MAP4K3: variants seen among roughly 807,000 people sequenced by gnomAD.
MAP4K3 encodes MAPK/ERK kinase kinase kinase 3.
Under a neutral mutation model 143.5 loss-of-function variants are expected in MAP4K3, and 94 were observed. The observed-to-expected ratio is 0.65, with a 90% CI of 0.55 to 0.78. MAP4K3 has a LOEUF of 0.78. Among genes scored for constraint, MAP4K3 ranks in the 30% least tolerant of loss-of-function variants. The pLI is 0.00. For synonymous variants in MAP4K3, 416 were observed against 347.2 expected (o/e 1.20, Z -2.20); for missense variants, 1,077 against 1,068.1 (o/e 1.01, Z -0.12).
intron 15 of MAP4K3, among the ~76,000 whole-genome samples, chr2:39,306,111 A>C (rs1682696632): frequency 1.3e-5 from 2 of 152,210 alleles, no homozygotes; most frequent in South Asian, 2.1e-4. Context: ...TACAGGCATG[A>C]GCCACCGTGC....
chr2:39,307,589 A>T (rs546220278), intron 15 of MAP4K3, among the ~76,000 whole-genome samples: 9 of 151,968 alleles, frequency 5.9e-5, no homozygotes, highest in South Asian at 2.1e-4. Context: ...ATATATATAC[A>T]TGTGGATGGG....
At chr2:39,262,135 A>G (rs1680594683) in intron 28 of MAP4K3, among the ~76,000 whole-genome samples, 1 of 152,164 alleles carries the variant, frequency 6.6e-6, no homozygotes, top group African/African-American at 2.4e-5. Context: ...TTATGAAGCT[A>G]CTGGATTTGA....
At chr2:39,279,988 G>A (rs1003746713) in intron 23 of MAP4K3, among the ~76,000 whole-genome samples, 1 of 152,032 alleles carries the variant, frequency 6.6e-6, no homozygotes, top group African/African-American at 2.4e-5. Flanking sequence ...CCAGACTACT[G>A]TGCAGCAGCA....
intron 24 of MAP4K3, among the ~76,000 whole-genome samples, chr2:39,277,711 C>G (rs1194487408): frequency 6.6e-6 from 1 of 151,926 alleles, no homozygotes; most frequent in Non-Finnish European, 1.5e-5. Context: ...ATTATAGGCA[C>G]AGGCCACCAT....
chr2:39,364,631 T>C (rs1056003137), intron 2 of MAP4K3, among the ~76,000 whole-genome samples: 4 of 152,132 alleles, frequency 2.6e-5, no homozygotes, highest in East Asian at 3.9e-4. Flanking sequence ...ACTTTGGAAG[T>C]CCAAGGTGGG....
chr2:39,265,181 A>G, intron 28 of MAP4K3, 22 bp downstream of exon 28: 1 of 1,409,432 alleles, frequency 7.1e-7, no homozygotes, highest in East Asian at 2.3e-5. Context: ...TAAGAATAAG[A>G]TAGTCTGACT....
intron 1 of MAP4K3, among the ~76,000 whole-genome samples, chr2:39,431,997 G>A (rs537305614): frequency 6.6e-6 from 1 of 152,308 alleles, no homozygotes; most frequent in South Asian, 2.1e-4. Context: ...CAGCCAGCAA[G>A]AGATTTAATA....
At chr2:39,268,634 A>ATTTTTTTTG (rs1680878317) in intron 26 of MAP4K3, among the ~76,000 whole-genome samples, 1 of 73,772 alleles carries the variant, frequency 1.4e-5, no homozygotes, top group Non-Finnish European at 2.4e-5. Context: ...GATTTTTTCT[A>ATTTTTTTTG]TTTTTTTTTT....
chr2:39,406,770 C>A (rs1667103474), intron 1 of MAP4K3, among the ~76,000 whole-genome samples: 1 of 151,958 alleles, frequency 6.6e-6, no homozygotes, highest in African/African-American at 2.4e-5. Flanking sequence ...TAATCAGCAA[C>A]AAGAAATCAT....
chr2:39,285,837 C>T (rs994661254), intron 21 of MAP4K3, among the ~76,000 whole-genome samples: 2 of 152,184 alleles, frequency 1.3e-5, no homozygotes, highest in Non-Finnish European at 2.9e-5. Flanking sequence ...GGATTTTCTA[C>T]TATTTTAAAT....
intron 2 of MAP4K3, among the ~76,000 whole-genome samples, chr2:39,360,272 AG>A (rs1665729701): frequency 6.6e-6 from 1 of 152,190 alleles, no homozygotes. Context: ...AGTTCCCAAC[AG>A]GTTCCTCATC....
intron 8 of MAP4K3, among the ~76,000 whole-genome samples, chr2:39,330,273 C>A: frequency 6.6e-6 from 1 of 152,078 alleles, no homozygotes; most frequent in Admixed American, 6.6e-5. Flanking sequence ...GGAGGAGTTA[C>A]ATTCAATAGA....
At chr2:39,421,079 T>C (rs1026574222) in intron 1 of MAP4K3, among the ~76,000 whole-genome samples, 21 of 152,330 alleles carry the variant, frequency 1.4e-4, no homozygotes, top group African/African-American at 5.1e-4. Flanking sequence ...GACTGAGGAT[T>C]AACTGTCCAC....
intron 1 of MAP4K3, among the ~76,000 whole-genome samples, chr2:39,398,913 G>A (rs1666881817): frequency 6.6e-6 from 1 of 151,214 alleles, no homozygotes; most frequent in South Asian, 2.1e-4. Context: ...GTGTGGTGGT[G>A]CACACCTATA....
chr2:39,398,238 C>A (rs1402325423), intron 1 of MAP4K3, among the ~76,000 whole-genome samples: 3 of 151,662 alleles, frequency 2.0e-5, no homozygotes, highest in African/African-American at 2.4e-5. Flanking sequence ...AATTCAAGTG[C>A]AAAAGGACTG....
intron 1 of MAP4K3, among the ~76,000 whole-genome samples, chr2:39,435,822 T>C (rs1285772288): frequency 6.6e-6 from 1 of 152,194 alleles, no homozygotes; most frequent in East Asian, 1.9e-4. Context: ...TGGTGAAAAG[T>C]AGATCATCCA....
chr2:39,262,345 C>T (rs1301866904), intron 28 of MAP4K3, among the ~76,000 whole-genome samples: 1 of 152,178 alleles, frequency 6.6e-6, no homozygotes, highest in East Asian at 1.9e-4. Flanking sequence ...ATTCCACGGG[C>T]ACAGACACTT....
intron 1 of MAP4K3, among the ~76,000 whole-genome samples, chr2:39,427,942 C>G (rs1044630503): frequency 3.5e-4 from 53 of 152,164 alleles, no homozygotes; most frequent in African/African-American, 1.2e-3. Context: ...GGTTCTACAG[C>G]AGTATTTTTA....
chr2:39,432,852 C>G (rs1318106899), intron 1 of MAP4K3, among the ~76,000 whole-genome samples: 1 of 152,172 alleles, frequency 6.6e-6, no homozygotes, highest in Non-Finnish European at 1.5e-5. Context: ...TGAATCCTAC[C>G]TGGAAGCTTA....
Sources: allele counts gnomAD v4.1 joint callset (sites outside exome capture counted in the v4.1 genomes callset), GRCh38; gene constraint gnomAD v4.1.1; transcripts MANE v1.5; gene names NCBI Gene and HGNC (gene_info 2026-07-23, HGNC 2026-07-21).